Variants in ACOT9 observed in about 807,000 individuals in gnomAD.
The protein encoded by ACOT9 is acyl-CoA thioesterase 9.
A neutral mutation model predicts 39.7 loss-of-function variants in ACOT9; 34 were observed. The ratio of observed to expected loss-of-function variants is 0.86; its 90% CI spans 0.65 to 1.14. ACOT9 has a LOEUF of 1.14. Among genes scored for constraint, ACOT9 ranks in the 50% most tolerant of loss-of-function variants. ACOT9 has a pLI of 0.00. For missense variants in ACOT9, 313 were observed against 344.1 expected, an observed-to-expected ratio of 0.91 and a Z score of 0.71; for synonymous variants, 110 against 120.5, an observed-to-expected ratio of 0.91 and a Z score of 0.57.
At chrX:23,731,907 C>T (rs1189036647) in intron 4 of ACOT9, among the ~76,000 whole-genome samples, 5 of 112,008 alleles carry the variant, frequency 4.5e-5, no homozygotes, top group Non-Finnish European at 7.5e-5. Context: ...GGATACGGAA[C>T]GACAATGTTG....
At chrX:23,716,537 C>T (rs778682043) in intron 8 of ACOT9, among the ~76,000 whole-genome samples, 10 of 111,818 alleles carry the variant, frequency 8.9e-5, no homozygotes, top group Non-Finnish European at 1.3e-4. Flanking sequence ...AGCACTAGAA[C>T]GCAAACATGA....
rs759997692 is a variant in ACOT9, at chrX:23,713,029, T to A, written c.662+106A>T. ...GGCCAAGAAATTGCAATTAAAACTG[T>A]TACGTCCAAGTGATAGGTATATGGA... On this transcript the variant is annotated intron_variant, in intron 9 of 15. Coordinates refer to ENST00000379303, the MANE Select transcript of ACOT9 (RefSeq NM_001037171.2). The A allele has an allele frequency of 3.1e-4, 193 of 616,622 alleles. No homozygotes were observed. The African/African-American group carries it at 4.0e-3, about 13-fold the overall frequency. 50.8% of individuals were successfully genotyped at this position (616,622 alleles called of 1,213,427 possible). A position where few individuals can be genotyped will look rare whatever the true frequency, so the allele number is the denominator to read the frequency against.
Position 23,701,231 on chromosome X carries a change from A to C in ACOT9, c.*2663T>G, listed in dbSNP as rs763730939. Among the ~76,000 whole-genome samples, 21 of 111,562 alleles carry C rather than the reference A, an allele frequency of 1.9e-4. No homozygotes were observed. The highest frequency in any genetic ancestry group is 6.5e-4 in the African/African-American group (20 of 30,792). Reference sequence around the variant, plus strand: ...ACATTCACAAAACTCCCCAGGGCGCATCCCTCCCCATTAGCCACCTCCCAT... The same window carrying C: ...ACATTCACAAAACTCCCCAGGGCGCCTCCCTCCCCATTAGCCACCTCCCAT... On this transcript the variant is annotated 3_prime_UTR_variant, in exon 16 of 16. Transcript: ENST00000379303.
intron 8 of ACOT9, among the ~76,000 whole-genome samples, chrX:23,718,367 T>G (rs5925878): frequency 1.9e-4 from 21 of 110,867 alleles, no homozygotes; most frequent in African/African-American, 6.9e-4. Flanking sequence ...ATAAAAAGGA[T>G]CACTCGAGTC....
Position 23,704,986 on chromosome X carries a change from C to T in ACOT9, c.1107+7G>A, listed in dbSNP as rs2146811121. On this transcript the variant is annotated splice_region_variant and intron_variant, in intron 14 of 15. Coordinates refer to ENST00000379303, the MANE Select transcript of ACOT9 (RefSeq NM_001037171.2). ...AAGTTGTATGTCATCTCTCATCACA[C>T]ACCTACCTGTGAAGAAAGAAAGAGC... is the stretch of plus-strand genomic sequence containing the variant. The T allele has an allele frequency of 8.3e-7, 1 of 1,207,329 alleles. No homozygotes were observed. Among genetic ancestry groups the T allele is most frequent in the Non-Finnish European group, 1.1e-6 (1 of 892,700 alleles).
chrX:23,705,433 G>A lies in ACOT9; in HGVS notation c.1019+76C>T, dbSNP rs150999224. On this transcript the variant is annotated intron_variant, in intron 13 of 15. Coordinates refer to ENST00000379303, the MANE Select transcript of ACOT9 (RefSeq NM_001037171.2). ...ACATATTCCCACACACACCCAGACT[G>A]GTCCGAAATGTTTCATTTCAGTGGG... The A allele has an allele frequency of 2.3e-3, 1,815 of 798,811 alleles. 22 individuals are homozygous for A. The African/African-American group carries it at 0.033, about 15-fold the overall frequency. The allele number at this position is 798,811 out of a possible 1,213,427, so 65.8% of individuals were successfully genotyped here.
chrX:23,708,924 G>A (rs1252341234), intron 9 of ACOT9, among the ~76,000 whole-genome samples: 1 of 112,251 alleles, frequency 8.9e-6, no homozygotes, highest in African/African-American at 3.2e-5. Flanking sequence ...TGTAGAGAGA[G>A]GGTAAGAGAA....
At chrX:23,721,401 A>C (rs1929313820) in intron 8 of ACOT9, among the ~76,000 whole-genome samples, 1 of 110,845 alleles carries the variant, frequency 9.0e-6, no homozygotes, top group Non-Finnish European at 1.9e-5. Context: ...CCCCATCTCT[A>C]TTTTTTTAAA....
chrX:23,712,405 T>C (rs113169231), intron 9 of ACOT9, among the ~76,000 whole-genome samples: 1 of 72,676 alleles, frequency 1.4e-5, no homozygotes, highest in Non-Finnish European at 2.5e-5. Context: ...AACTCCATCT[T>C]AAAAAAAAAA....
At position 23,710,821 on chromosome X, in the gene ACOT9, C is replaced by T. The variant is rs142099657; in HGVS notation, c.662+2314G>A. On this transcript the variant is annotated intron_variant, in intron 9 of 15. Transcript: ENST00000379303. The stretch of plus-strand genomic sequence containing the variant: ...CCCAGCCGGGGCAACAAGAGTAAAA[C>T]TCCATCTCAAAAAGAAAGAAAGAAA... 3.8e-3 allele frequency among the ~76,000 whole-genome samples: 410 copies of T among 108,927 alleles called. 2 individuals carry two copies. The highest frequency in any genetic ancestry group is 0.013 in the African/African-American group (383 of 29,965). 94.6% of individuals were successfully genotyped at this position (108,927 alleles called of 115,157 possible).
chrX:23,705,499 T>A lies in ACOT9; in HGVS notation c.1019+10A>T. Reference sequence around the variant, plus strand: ...TCTCAGAAGTTAAGGCTGCCTTACATGTAACTCACCCAAAGCTACAAGCAG... The same window carrying A: ...TCTCAGAAGTTAAGGCTGCCTTACAAGTAACTCACCCAAAGCTACAAGCAG... On this transcript the variant is annotated intron_variant, in intron 13 of 15. Coordinates refer to ENST00000379303, the MANE Select transcript of ACOT9 (RefSeq NM_001037171.2). The A allele has an allele frequency of 8.4e-7, 1 of 1,195,307 alleles. No individual in the cohort carries two copies. The highest frequency in any genetic ancestry group is 2.3e-4 in the Middle Eastern group (1 of 4,283).
At chrX:23,722,108 CT>C in intron 7 of ACOT9, 124 bp from the exon 8 acceptor site, 3 of 404,832 alleles carry the variant, frequency 7.4e-6, no homozygotes, top group African/African-American at 2.6e-5. Flanking sequence ...ACTAAAATAA[CT>C]TTTTTGACAC....
rs1199991232 is a variant in ACOT9, at chrX:23,707,766, A to C, written c.730+111T>G. The C allele has an allele frequency of 5.5e-6, 3 of 541,332 alleles. No homozygotes were observed. In the African/African-American group the frequency reaches 7.4e-5, roughly 13 times the overall value. The allele number at this position is 541,332 out of a possible 1,213,427, so 44.6% of individuals were successfully genotyped here. ...AAAAACAAACAAAAAAACAAACAAAAAAAAGACATTTGACTGGTATGAAGA... is the reference window on the plus strand; with the variant it reads ...AAAAACAAACAAAAAAACAAACAAACAAAAGACATTTGACTGGTATGAAGA... On this transcript the variant is annotated intron_variant, in intron 10 of 15. Coordinates refer to ENST00000379303, the MANE Select transcript of ACOT9 (RefSeq NM_001037171.2).
At chrX:23,724,496 G>A (rs941106356) in intron 6 of ACOT9, among the ~76,000 whole-genome samples, 1 of 109,671 alleles carries the variant, frequency 9.1e-6, no homozygotes, top group African/African-American at 3.3e-5. Context: ...ATTAGGCCAG[G>A]CATGGTGGAT....
chrX:23,736,112 C>T, intron 1 of ACOT9, 96 bp from the exon 2 acceptor site: 1 of 623,548 alleles, frequency 1.6e-6, no homozygotes, highest in Non-Finnish European at 2.5e-6. Flanking sequence ...GCCATATCAC[C>T]CTTAGTATAT....
chrX:23,704,166 G>GTTTTTTT (rs1162671112), intron 15 of ACOT9, among the ~76,000 whole-genome samples, 184 bp from the exon 16 acceptor site: 1 of 66,320 alleles, frequency 1.5e-5, no homozygotes, highest in Non-Finnish European at 2.7e-5. Context: ...GGCTGGATCA[G>GTTTTTTT]TTTTTTTTTT....
At chrX:23,723,519 A>G (rs1929393083) in intron 6 of ACOT9, among the ~76,000 whole-genome samples, 1 of 104,082 alleles carries the variant, frequency 9.6e-6, no homozygotes, top group African/African-American at 3.5e-5. Flanking sequence ...AGGAGAATCA[A>G]TTGAACCCAG....
chrX:23,737,221 G>A (rs1469203568), intron 1 of ACOT9, among the ~76,000 whole-genome samples: 1 of 111,273 alleles, frequency 9.0e-6, no homozygotes, highest in African/African-American at 3.3e-5. Context: ...GCTGAGGCAG[G>A]AGAATCGCTT....
At chrX:23,704,209 T>C (rs1423379381) in intron 15 of ACOT9, among the ~76,000 whole-genome samples, 2 of 101,652 alleles carry the variant, frequency 2.0e-5, no homozygotes, top group African/African-American at 3.7e-5. Context: ...CTCGCTCTGT[T>C]GCCCAGACTG....
Sources: allele counts gnomAD v4.1 joint callset (sites outside exome capture counted in the v4.1 genomes callset), GRCh38; gene constraint gnomAD v4.1.1; transcripts MANE v1.5; gene names NCBI Gene and HGNC (gene_info 2026-07-23, HGNC 2026-07-21).